Variants in NCALD observed in about 807,000 individuals in gnomAD.
NCALD encodes neurocalcin-delta.
A neutral mutation model predicts 18.6 loss-of-function variants in NCALD; 10 were observed. The ratio of observed to expected loss-of-function variants is 0.54; its 90% CI spans 0.33 to 0.91. The LOEUF (loss-of-function observed/expected upper bound fraction) is 0.91. Among genes scored for constraint, NCALD ranks in the 40% least tolerant of loss-of-function variants. The pLI is 0.03. For missense variants in NCALD, 184 were observed against 247.6 expected (o/e 0.74, Z 1.72); for synonymous variants, 88 against 87.4 (o/e 1.01, Z -0.04).
At chr8:101,693,341 T>G (rs1814832868) in intron 2 of NCALD, 1 of 125,962 alleles carries the variant, frequency 7.9e-6, no homozygotes, top group African/African-American at 2.9e-5. Flanking sequence ...TTTTTTTTTT[T>G]TTTTTTTTTT....
chr8:101,916,200 CA>C (rs1476923729), intron 2 of NCALD, among the ~76,000 whole-genome samples: 3 of 152,078 alleles, frequency 2.0e-5, no homozygotes, highest in Non-Finnish European at 4.4e-5. Context: ...CAGTTCAGAG[CA>C]AGCACCAGAT....
chr8:101,968,766 C>T (rs1820129018), intron 2 of NCALD, among the ~76,000 whole-genome samples: 1 of 152,206 alleles, frequency 6.6e-6, no homozygotes, highest in African/African-American at 2.4e-5. Flanking sequence ...CAGCATATGC[C>T]TTCTTCACAT....
chr8:101,897,224 G>A (rs1390975077), intron 3 of NCALD, among the ~76,000 whole-genome samples: 1 of 145,664 alleles, frequency 6.9e-6, no homozygotes, highest in Non-Finnish European at 1.5e-5. Context: ...CAGGGACATG[G>A]ATGAAATTGG....
At chr8:101,875,739 A>G (rs771211873) in intron 4 of NCALD, among the ~76,000 whole-genome samples, 1 of 152,240 alleles carries the variant, frequency 6.6e-6, no homozygotes, top group Non-Finnish European at 1.5e-5. Context: ...CCGAAACTGC[A>G]TGAGGAAGAT....
chr8:101,989,122 C>T (rs1334108796), intron 2 of NCALD, among the ~76,000 whole-genome samples: 1 of 152,068 alleles, frequency 6.6e-6, no homozygotes, highest in African/African-American at 2.4e-5. Context: ...TGGGACTGAA[C>T]CTCGTGGGAA....
exon 3 of NCALD, chr8:101,915,846 A>C (rs1258247344): frequency 6.6e-6 from 1 of 152,192 alleles, no homozygotes; most frequent in South Asian, 2.1e-4. Context: ...CAGGAGACCA[A>C]AGTTGAGATA....
intron 4 of NCALD, among the ~76,000 whole-genome samples, chr8:101,868,380 G>C (rs1322434278): frequency 6.6e-6 from 1 of 152,152 alleles, no homozygotes; most frequent in African/African-American, 2.4e-5. Context: ...GCTGAAGCAG[G>C]AGAATAGGGT....
chr8:101,704,385 G>A (rs985246647), intron 2 of NCALD, among the ~76,000 whole-genome samples: 1 of 152,138 alleles, frequency 6.6e-6, no homozygotes, highest in Non-Finnish European at 1.5e-5. Context: ...GGTGTGGGGG[G>A]CAGAGGAGAC....
chr8:101,933,377 G>A (rs937402140), intron 2 of NCALD, among the ~76,000 whole-genome samples: 1 of 152,200 alleles, frequency 6.6e-6, no homozygotes, highest in Non-Finnish European at 1.5e-5. Context: ...GCCAGGAGCT[G>A]AGGCATGCCA....
chr8:102,016,202 A>G lies in NCALD; in HGVS notation c.-157+4035T>C, dbSNP rs185170833. ...AGGATCCTGTGCTGACACAAATAAGAGGTCTGTTACCAGTAAGGGAGGGGC... is the reference window on the plus strand; with the variant it reads ...AGGATCCTGTGCTGACACAAATAAGGGGTCTGTTACCAGTAAGGGAGGGGC... On this transcript the variant is annotated intron_variant, in intron 2 of 6. Coordinates refer to the NCALD transcript ENST00000311028. Among the ~76,000 whole-genome samples, 22 of 152,280 alleles carry G rather than the reference A, an allele frequency of 1.4e-4. No individual in the cohort carries two copies. In the East Asian group the frequency reaches 4.2e-3, roughly 29 times the overall value.
chr8:102,118,237 C>G (rs1434554983), intron 1 of NCALD, among the ~76,000 whole-genome samples: 1 of 152,172 alleles, frequency 6.6e-6, no homozygotes, highest in Non-Finnish European at 1.5e-5. Flanking sequence ...TAGTCATATT[C>G]CTCTACTGAA....
At chr8:101,897,516 TA>T (rs58572688) in intron 3 of NCALD, among the ~76,000 whole-genome samples, 10,232 of 147,704 alleles carry the variant, frequency 0.069, 714 homozygotes, top group African/African-American at 0.18. Context: ...TAAAGTATAA[TA>T]AAAAAAAAAG....
chr8:101,899,272 C>A (rs1817327946), intron 3 of NCALD, among the ~76,000 whole-genome samples: 1 of 151,882 alleles, frequency 6.6e-6, no homozygotes, highest in Non-Finnish European at 1.5e-5. Context: ...TTTATTAGTT[C>A]TAAGAGGTTT....
chr8:101,713,941 T>G (rs1230969854), intron 2 of NCALD, among the ~76,000 whole-genome samples: 1 of 152,004 alleles, frequency 6.6e-6, no homozygotes, highest in Non-Finnish European at 1.5e-5. Flanking sequence ...AAATTCAAAA[T>G]CCCTTCATGC....
intron 1 of NCALD, among the ~76,000 whole-genome samples, chr8:101,764,974 C>T (rs910766439): frequency 2.0e-5 from 3 of 152,146 alleles, no homozygotes; most frequent in Admixed American, 2.0e-4. Flanking sequence ...TAGAGCCTGC[C>T]TCCTGCGGCA....
chr8:101,718,620 G>T (rs142860433), intron 2 of NCALD, among the ~76,000 whole-genome samples: 38 of 152,306 alleles, frequency 2.5e-4, no homozygotes, highest in African/African-American at 9.1e-4. Context: ...GGGCAAAAGT[G>T]TTGAGCAGGA....
chr8:101,690,963 A>T, intron 3 of NCALD: 1 of 985,486 alleles, frequency 1.0e-6, no homozygotes, highest in Non-Finnish European at 1.2e-6. Flanking sequence ...AACTGTCTGC[A>T]TGATTCAGAG....
At chr8:101,721,987 G>A (rs1029427106) in intron 1 of NCALD, among the ~76,000 whole-genome samples, 1 of 151,946 alleles carries the variant, frequency 6.6e-6, no homozygotes, top group East Asian at 1.9e-4. Context: ...TATTACAGGT[G>A]TGTACCACCA....
intron 4 of NCALD, among the ~76,000 whole-genome samples, chr8:101,821,377 G>A (rs577129825): frequency 6.6e-6 from 1 of 152,272 alleles, no homozygotes; most frequent in Admixed American, 6.5e-5. Flanking sequence ...TTCTTACAAT[G>A]ACCTTTGATA....
Sources: allele counts gnomAD v4.1 joint callset (sites outside exome capture counted in the v4.1 genomes callset), GRCh38; gene constraint gnomAD v4.1.1; transcripts MANE v1.5; gene names NCBI Gene and HGNC (gene_info 2026-07-23, HGNC 2026-07-21).